The following FCHSD2 variants were observed in gnomAD, a reference collection of about 807,000 sequenced individuals.
FCHSD2 encodes F-BAR and double SH3 domains protein 2.
In FCHSD2, 38 loss-of-function variants were observed where a neutral mutation model predicts 108.1. That is an observed-to-expected ratio of 0.35 (90% CI 0.27 to 0.46). The LOEUF is 0.46. Among genes scored for constraint, FCHSD2 ranks in the 20% least tolerant of loss-of-function variants. The pLI is 1.00. For synonymous variants in FCHSD2, 279 were observed against 314.7 expected (o/e 0.89, Z 1.20); for missense variants, 751 against 897.8 (o/e 0.84, Z 2.09).
chr11:73,098,726 G>A (rs995600997), intron 2 of FCHSD2, among the ~76,000 whole-genome samples: 4 of 152,174 alleles, frequency 2.6e-5, no homozygotes, highest in African/African-American at 9.7e-5. Context: ...TACAAAAAAT[G>A]AAAGTGGATC....
intron 10 of FCHSD2, among the ~76,000 whole-genome samples, chr11:72,891,766 T>C (rs1565308803): frequency 6.6e-6 from 1 of 152,234 alleles, no homozygotes; most frequent in Non-Finnish European, 1.5e-5. Context: ...ATGTTAATTA[T>C]CTGAGTCGTA....
chr11:72,999,512 G>A (rs1037453169), intron 5 of FCHSD2, among the ~76,000 whole-genome samples: 1 of 151,690 alleles, frequency 6.6e-6, no homozygotes, highest in Non-Finnish European at 1.5e-5. Flanking sequence ...TAGAGATGGG[G>A]TTTCACCATA....
chr11:72,986,980 C>T (rs1857323846), intron 6 of FCHSD2, among the ~76,000 whole-genome samples: 1 of 152,086 alleles, frequency 6.6e-6, no homozygotes, highest in Non-Finnish European at 1.5e-5. Flanking sequence ...GGCAACTGAC[C>T]CTCAAAGCGA....
At chr11:72,870,359 G>A (rs906052195) in intron 12 of FCHSD2, among the ~76,000 whole-genome samples, 2 of 152,022 alleles carry the variant, frequency 1.3e-5, no homozygotes, top group Admixed American at 6.5e-5. Flanking sequence ...GACATTCAGC[G>A]TTATTCTCCT....
chr11:73,028,976 T>A (rs1858295478), intron 3 of FCHSD2, among the ~76,000 whole-genome samples: 3 of 152,028 alleles, frequency 2.0e-5, no homozygotes, highest in Non-Finnish European at 4.4e-5. Flanking sequence ...AATTACCCAG[T>A]CTCAGGTAGT....
In FCHSD2 at chr11:72,998,906, T is replaced by C. The variant is rs193069365; in HGVS notation, c.387+2084A>G. Among the ~76,000 whole-genome samples, 893 of 152,288 alleles carry C rather than the reference T, an allele frequency of 5.9e-3. 6 individuals carry two copies. The highest frequency in any genetic ancestry group is 9.6e-3 in the Non-Finnish European group (650 of 68,010). On this transcript the variant is annotated intron_variant, in intron 5 of 19. Coordinates refer to ENST00000409418, the MANE Select transcript of FCHSD2 (RefSeq NM_014824.3). The stretch of plus-strand genomic sequence containing the variant: ...ATGATGCAGCTGCTATGCAAAACAA[T>C]TCTGGTCATTTGGGAAAATGAAAAA...
chr11:72,874,916 C>T (rs1206304188), intron 12 of FCHSD2, among the ~76,000 whole-genome samples: 1 of 151,982 alleles, frequency 6.6e-6, no homozygotes, highest in African/African-American at 2.4e-5. Flanking sequence ...ACTACTTGAC[C>T]AAATCATTTT....
At chr11:73,063,944 T>C (rs1342988619) in intron 3 of FCHSD2, among the ~76,000 whole-genome samples, 2 of 152,154 alleles carry the variant, frequency 1.3e-5, no homozygotes, top group Non-Finnish European at 2.9e-5. Context: ...GCAGACCTAA[T>C]AGGCACCTAC....
chr11:72,995,296 C>T (rs1240526156), intron 5 of FCHSD2, among the ~76,000 whole-genome samples: 2 of 152,016 alleles, frequency 1.3e-5, no homozygotes, highest in Admixed American at 1.3e-4. Context: ...TAATAAATGA[C>T]AAGATGACAA....
chr11:73,102,733 G>C (rs1464960332), intron 2 of FCHSD2, among the ~76,000 whole-genome samples: 1 of 152,138 alleles, frequency 6.6e-6, no homozygotes, highest in Non-Finnish European at 1.5e-5. Context: ...TCTGCCATGT[G>C]ATAATGCATC....
intron 2 of FCHSD2, among the ~76,000 whole-genome samples, chr11:73,127,309 A>G (rs1860881352): frequency 6.6e-6 from 1 of 152,216 alleles, no homozygotes; most frequent in African/African-American, 2.4e-5. Context: ...ATGGAATGTT[A>G]AAACAAAGCA....
intron 10 of FCHSD2, among the ~76,000 whole-genome samples, chr11:72,890,878 T>C (rs1855300058): frequency 6.6e-6 from 1 of 152,192 alleles, no homozygotes; most frequent in South Asian, 2.1e-4. Context: ...AAACAAACTT[T>C]ATTGAGATAA....
chr11:73,073,452 C>T (rs1326084960), intron 3 of FCHSD2, among the ~76,000 whole-genome samples: 2 of 152,202 alleles, frequency 1.3e-5, no homozygotes, highest in Admixed American at 6.5e-5. Context: ...ATATTATTTT[C>T]TTTCTTTCTT....
chr11:73,139,094 T>C (rs1026024996), intron 2 of FCHSD2, among the ~76,000 whole-genome samples: 3 of 152,220 alleles, frequency 2.0e-5, no homozygotes, highest in Non-Finnish European at 4.4e-5. Context: ...GAAATGCTTA[T>C]AGTGCCTAAA....
intron 13 of FCHSD2, among the ~76,000 whole-genome samples, chr11:72,859,341 T>C (rs1861511486): frequency 6.6e-6 from 1 of 152,222 alleles, no homozygotes; most frequent in South Asian, 2.1e-4. Flanking sequence ...ACTTGTCCAT[T>C]AGTCATTTAG....
At chr11:72,952,940 C>T (rs977676766) in intron 8 of FCHSD2, among the ~76,000 whole-genome samples, 5 of 152,164 alleles carry the variant, frequency 3.3e-5, no homozygotes, top group African/African-American at 1.2e-4. Flanking sequence ...GCAGTTCACC[C>T]GCTTTAAAGC....
At chr11:73,038,289 CTA>C (rs1252350232) in intron 3 of FCHSD2, among the ~76,000 whole-genome samples, 1 of 150,620 alleles carries the variant, frequency 6.6e-6, no homozygotes, top group African/African-American at 2.4e-5. Context: ...CTGCAGTGAG[CTA>C]TGATTGTGCC....
intron 4 of FCHSD2, among the ~76,000 whole-genome samples, chr11:73,011,190 C>T (rs1779505373): frequency 6.6e-6 from 1 of 152,080 alleles, no homozygotes; most frequent in African/African-American, 2.4e-5. Flanking sequence ...GCTGGGGTGG[C>T]TTGCCCTCAG....
At chr11:73,062,555 G>A (rs1228131060) in intron 3 of FCHSD2, among the ~76,000 whole-genome samples, 1 of 152,140 alleles carries the variant, frequency 6.6e-6, no homozygotes, top group African/African-American at 2.4e-5. Context: ...AACGTTAGAC[G>A]AATTGCTAAC....
Sources: gnomAD v4.1 joint callset for allele counts (sites outside exome capture counted in the v4.1 genomes callset) on GRCh38, gnomAD v4.1.1 for gene constraint, MANE v1.5 for transcripts, NCBI Gene and HGNC (gene_info 2026-07-23, HGNC 2026-07-21) for gene names.